The following LRTM1 variants were observed in gnomAD, a reference collection of about 807,000 sequenced individuals.
LRTM1 encodes the protein leucine-rich repeat and transmembrane domain-containing protein 1.
In LRTM1, 38 loss-of-function variants were observed where a neutral mutation model predicts 32.4. The observed-to-expected ratio is 1.17, with a 90% CI of 0.91 to 1.54. LRTM1 has a LOEUF of 1.54. LRTM1 is among the 40% of genes most tolerant of loss of function. LRTM1 has a pLI of 0.00. For synonymous variants in LRTM1, 186 were observed against 169.9 expected, an observed-to-expected ratio of 1.09 and a Z score of -0.74; for missense variants, 466 against 415.4, an observed-to-expected ratio of 1.12 and a Z score of -1.06.
intron 1 of LRTM1, among the ~76,000 whole-genome samples, chr3:54,939,983 A>G (rs1432421797): frequency 1.3e-5 from 2 of 152,206 alleles, no homozygotes; most frequent in African/African-American, 4.8e-5. Context: ...AGAGGACAGG[A>G]TGCCTCTAGG....
chr3:54,940,230 G>A lies in LRTM1; in HGVS notation c.-221-15015C>T, dbSNP rs74357932. On this transcript the variant is annotated intron_variant, in intron 1 of 2. Transcript: ENST00000493075. ...TGTGCACAGTTTTAAAAGTAGATGG[G>A]TAGCTCTTGGAAGACTGCAACTATT... is the stretch of plus-strand genomic sequence containing the variant. 1.3e-3 allele frequency among the ~76,000 whole-genome samples: 197 copies of A among 152,318 alleles called. No homozygotes were observed. In the East Asian group the frequency reaches 0.035, roughly 27 times the overall value.
At position 54,924,975 on chromosome 3, in the gene LRTM1, T is replaced by C. The variant is rs533883378; in HGVS notation, c.248A>G (p.Asn83Ser). The C allele has an allele frequency of 6.2e-7, 1 of 1,611,758 alleles. No individual in the cohort carries two copies. The highest frequency in any genetic ancestry group is 2.2e-5 in the East Asian group (1 of 44,822). The part of the protein sequence containing the change: ...VPWLMTLNLS[N>S]NSLSNLAPGA... ...AGGGGCCAGATTTGAAAGGGAATTG[T>C]TGGACAAGTTTAAGGTCATGAGCCA... Residue 83 changes from asparagine (N) to serine (S), a missense_variant, in exon 2 of 3, where the codon AAC becomes AGC. Physicochemically the swap from Asn to Ser is conservative, Grantham distance 46. Transcript: ENST00000273286.
At chr3:54,943,975 T>G (rs964761794) in intron 1 of LRTM1, among the ~76,000 whole-genome samples, 1 of 152,206 alleles carries the variant, frequency 6.6e-6, no homozygotes, top group Admixed American at 6.5e-5. Flanking sequence ...TCTGAAAAGG[T>G]CTTCATTCCA....
At chr3:54,949,508 G>T (rs866122666) in intron 1 of LRTM1, among the ~76,000 whole-genome samples, 2 of 152,286 alleles carry the variant, frequency 1.3e-5, no homozygotes, top group African/African-American at 4.8e-5. Flanking sequence ...AAATAAGCAG[G>T]TTGGGTTCAA....
At chr3:54,960,064 G>T (rs1701994159) in intron 1 of LRTM1, among the ~76,000 whole-genome samples, 1 of 144,532 alleles carries the variant, frequency 6.9e-6, no homozygotes, top group Non-Finnish European at 1.5e-5. Flanking sequence ...GTTCCGAGAA[G>T]CTCTGACAGG....
At chr3:54,956,400 C>T (rs902067599) in intron 1 of LRTM1, among the ~76,000 whole-genome samples, 2 of 152,204 alleles carry the variant, frequency 1.3e-5, no homozygotes, top group African/African-American at 4.8e-5. Context: ...GTCAGGCTAT[C>T]CCCAGAATAA....
chr3:54,956,452 AGGCCAG>A (rs1701895406), intron 1 of LRTM1, among the ~76,000 whole-genome samples: 1 of 152,210 alleles, frequency 6.6e-6, no homozygotes, highest in African/African-American at 2.4e-5. Flanking sequence ...TGTCTTTTAA[AGGCCAG>A]GAAATGCAGC....
chr3:54,941,984 A>C (rs902676725), intron 1 of LRTM1, among the ~76,000 whole-genome samples: 2 of 152,214 alleles, frequency 1.3e-5, no homozygotes, highest in Admixed American at 1.3e-4. Context: ...ATTTATTTGA[A>C]AATCATTCCA....
At chr3:54,950,184 G>A (rs959116478) in intron 1 of LRTM1, among the ~76,000 whole-genome samples, 1 of 152,234 alleles carries the variant, frequency 6.6e-6, no homozygotes, top group African/African-American at 2.4e-5. Context: ...AGCCGAGGTA[G>A]CTTTCTTGTT....
chr3:54,964,732 T>C (rs1363295567), intron 1 of LRTM1, among the ~76,000 whole-genome samples: 1 of 152,172 alleles, frequency 6.6e-6, no homozygotes, highest in Non-Finnish European at 1.5e-5. Context: ...GCAGGTGATA[T>C]TTGTTTTTCT....
chr3:54,940,473 A>G (rs2106982366), intron 1 of LRTM1, among the ~76,000 whole-genome samples: 1 of 152,316 alleles, frequency 6.6e-6, no homozygotes, highest in East Asian at 1.9e-4. Context: ...CATTTCAGAC[A>G]CAGACAGCTC....
At chr3:54,962,802 G>A (rs1702063892) in intron 1 of LRTM1, among the ~76,000 whole-genome samples, 1 of 152,126 alleles carries the variant, frequency 6.6e-6, no homozygotes, top group Non-Finnish European at 1.5e-5. Context: ...TGGAAGTAGG[G>A]GTGTTTGGGT....
At chr3:54,926,409 C>G (rs1423621191) in intron 1 of LRTM1, among the ~76,000 whole-genome samples, 1 of 151,888 alleles carries the variant, frequency 6.6e-6, no homozygotes, top group Non-Finnish European at 1.5e-5. Context: ...CTTCCTCCCT[C>G]CAGAGTCTGT....
upstream of LRTM1, among the ~76,000 whole-genome samples, chr3:54,930,046 A>G (rs1701146083): frequency 6.6e-6 from 1 of 152,208 alleles, no homozygotes; most frequent in Non-Finnish European, 1.5e-5. Context: ...CTCCATTGCA[A>G]TTATTGGACT....
intron 2 of LRTM1, among the ~76,000 whole-genome samples, chr3:54,923,690 G>C (rs1700920302): frequency 6.6e-6 from 1 of 152,176 alleles, no homozygotes; most frequent in African/African-American, 2.4e-5. Context: ...TGAGAGCTAG[G>C]AAGAGTGAAG....
chr3:54,946,315 T>C (rs1320524230), intron 1 of LRTM1, among the ~76,000 whole-genome samples: 1 of 152,192 alleles, frequency 6.6e-6, no homozygotes, highest in African/African-American at 2.4e-5. Context: ...ATCCTGTACA[T>C]GTCTTCAGAC....
intron 1 of LRTM1, among the ~76,000 whole-genome samples, chr3:54,951,664 TC>T (rs140776758): frequency 0.058 from 8,807 of 152,144 alleles, 700 homozygotes; most frequent in African/African-American, 0.18. Context: ...TTCCAAGAAG[TC>T]CTGGCAACTG....
intron 1 of LRTM1, among the ~76,000 whole-genome samples, chr3:54,941,232 A>G (rs577185374): frequency 6.6e-6 from 1 of 152,232 alleles, no homozygotes; most frequent in South Asian, 2.1e-4. Flanking sequence ...TCCAAAAAGT[A>G]AAAAAACAGG....
chr3:54,919,976 C>T (rs1002637418), intron 2 of LRTM1, among the ~76,000 whole-genome samples: 3 of 152,140 alleles, frequency 2.0e-5, no homozygotes, highest in Admixed American at 6.5e-5. Context: ...GCCCTCGGCA[C>T]TGTCTGCTAG....
Sources: gnomAD v4.1 joint callset for allele counts (sites outside exome capture counted in the v4.1 genomes callset) on GRCh38, gnomAD v4.1.1 for gene constraint, MANE v1.5 for transcripts, NCBI Gene and HGNC (gene_info 2026-07-23, HGNC 2026-07-21) for gene names.